Variants in SUPT3H observed in about 807,000 individuals in gnomAD.
SUPT3H encodes SPT3 homolog, SAGA and STAGA complex component.
A neutral mutation model predicts 44.3 loss-of-function variants in SUPT3H; 44 were observed. The ratio of observed to expected loss-of-function variants is 0.99; its 90% CI spans 0.78 to 1.28. The LOEUF (loss-of-function observed/expected upper bound fraction) is 1.28. Among genes scored for constraint, SUPT3H ranks in the 50% most tolerant of loss-of-function variants. The pLI is 0.00. For synonymous variants in SUPT3H, 124 were observed against 125.6 expected (o/e 0.99, Z 0.09); for missense variants, 380 against 387.1 (o/e 0.98, Z 0.15).
chr6:45,015,282 C>T (rs918355288), intron 4 of SUPT3H, among the ~76,000 whole-genome samples: 3 of 152,050 alleles, frequency 2.0e-5, no homozygotes, highest in Non-Finnish European at 2.9e-5. Context: ...TCATGGGCTA[C>T]AAACTGGTAT....
chr6:45,351,969 T>G (rs373961805), intron 2 of SUPT3H, among the ~76,000 whole-genome samples: 8 of 152,308 alleles, frequency 5.3e-5, no homozygotes, highest in African/African-American at 1.9e-4. Flanking sequence ...CTGTCCCTAA[T>G]TCTACCGCTG....
chr6:45,040,845 T>C (rs569095745), intron 3 of SUPT3H, among the ~76,000 whole-genome samples: 1 of 152,350 alleles, frequency 6.6e-6, no homozygotes, highest in African/African-American at 2.4e-5. Flanking sequence ...CTGAATATTC[T>C]GTTTCCTTCT....
chr6:45,032,698 G>A (rs1787125624), intron 3 of SUPT3H, among the ~76,000 whole-genome samples: 1 of 152,110 alleles, frequency 6.6e-6, no homozygotes, highest in Non-Finnish European at 1.5e-5. Flanking sequence ...AAATAAAAGT[G>A]AGACATCACT....
chr6:45,059,085 T>A (rs373066048), intron 3 of SUPT3H, among the ~76,000 whole-genome samples: 9 of 152,234 alleles, frequency 5.9e-5, no homozygotes, highest in Non-Finnish European at 1.0e-4. Context: ...TTCATAGTAT[T>A]TTCTACATAG....
chr6:44,985,892 T>C (rs977261332), intron 6 of SUPT3H, among the ~76,000 whole-genome samples: 2 of 152,290 alleles, frequency 1.3e-5, no homozygotes, highest in East Asian at 1.9e-4. Context: ...CACACTAATA[T>C]GTAAATAACT....
At position 45,150,720 on chromosome 6, in the gene SUPT3H, G is replaced by GTTTT. The variant is rs11319902; in HGVS notation, c.102-44718_102-44715dup. ...CTTCTACTTATAATCTTTATTCTGC[G>GTTTT]TTTTTTTTTTTTTTTTTTTTAAGAT... On this transcript the variant is annotated intron_variant, in intron 2 of 10. Transcript: ENST00000371459. Among the ~76,000 whole-genome samples the GTTTT allele has an allele frequency of 1.5e-3, 150 of 99,268 alleles. 12 individuals carry two copies. Among genetic ancestry groups the GTTTT allele is most frequent in the African/African-American group, 4.1e-3 (100 of 24,540 alleles). The allele number at this position is 99,268 out of a possible 152,430, so 65.1% of individuals were successfully genotyped here. A position where few individuals can be genotyped will look rare whatever the true frequency, so the allele number is the denominator to read the frequency against.
At chr6:44,861,174 C>T (rs1438316822) in intron 10 of SUPT3H, among the ~76,000 whole-genome samples, 1 of 152,152 alleles carries the variant, frequency 6.6e-6, no homozygotes, top group Non-Finnish European at 1.5e-5. Context: ...GCCTCAACTT[C>T]CTGGTGATCC....
intron 10 of SUPT3H, among the ~76,000 whole-genome samples, chr6:44,865,805 T>C (rs1775406173): frequency 6.6e-6 from 1 of 152,112 alleles, no homozygotes. Flanking sequence ...ACATCACATA[T>C]ATTAAGTAGA....
intron 10 of SUPT3H, among the ~76,000 whole-genome samples, chr6:44,902,979 C>T (rs1320348705): frequency 6.6e-6 from 1 of 151,878 alleles, no homozygotes; most frequent in African/African-American, 2.4e-5. Flanking sequence ...CCTTTGAAAC[C>T]AACGAGAACA....
chr6:44,902,234 G>T (rs966118524), intron 10 of SUPT3H, among the ~76,000 whole-genome samples: 7 of 152,110 alleles, frequency 4.6e-5, no homozygotes, highest in African/African-American at 1.7e-4. Flanking sequence ...CTGGCAAATT[G>T]GATAAAGAGT....
chr6:45,222,807 T>C (rs1766281958), intron 2 of SUPT3H, among the ~76,000 whole-genome samples: 1 of 152,118 alleles, frequency 6.6e-6, no homozygotes, highest in South Asian at 2.1e-4. Flanking sequence ...TGTCCTTCAA[T>C]GGGTGACTAT....
chr6:44,960,430 A>AG (rs1229923383), intron 7 of SUPT3H, among the ~76,000 whole-genome samples: 1 of 150,888 alleles, frequency 6.6e-6, no homozygotes, highest in Non-Finnish European at 1.5e-5. Flanking sequence ...AAAAAAAAAA[A>AG]AAAAAGAACA....
At chr6:45,138,449 C>T (rs1008707746) in intron 2 of SUPT3H, among the ~76,000 whole-genome samples, 2 of 152,082 alleles carry the variant, frequency 1.3e-5, no homozygotes, top group African/African-American at 4.8e-5. Flanking sequence ...GCAAACAATA[C>T]TCAAATGTCC....
rs200760951 is a variant in SUPT3H at position 45,358,119 on chromosome 6, T to C, written c.101+7082A>G. 7.4e-5 allele frequency among the ~76,000 whole-genome samples: 11 copies of C among 149,572 alleles called. No homozygotes were observed. The East Asian group carries it at 2.1e-3, about 29-fold the overall frequency. On this transcript the variant is annotated intron_variant, in intron 2 of 10. Coordinates refer to ENST00000371459, the MANE Select transcript of SUPT3H (RefSeq NM_003599.4). Reference sequence around the variant, plus strand: ...ACAGGAAAAAAGTAATCAATGACCGTGTTAAAATCAAATATAAAAACAGGT... The same window carrying C: ...ACAGGAAAAAAGTAATCAATGACCGCGTTAAAATCAAATATAAAAACAGGT...
At chr6:45,241,793 G>A (rs1584453445) in intron 2 of SUPT3H, among the ~76,000 whole-genome samples, 1 of 152,124 alleles carries the variant, frequency 6.6e-6, no homozygotes, top group South Asian at 2.1e-4. Flanking sequence ...GGGGGAAAAA[G>A]AAAGGTAACT....
At chr6:45,128,542 A>ATATATG (rs1802859885) in intron 2 of SUPT3H, among the ~76,000 whole-genome samples, 1 of 57,428 alleles carries the variant, frequency 1.7e-5, no homozygotes, top group Non-Finnish European at 3.2e-5. Context: ...AAATATATAT[A>ATATATG]TATATATATA....
Position 44,932,649 on chromosome 6 carries a change from G to T in SUPT3H, c.912+4C>A, listed in dbSNP as rs773577779. The T allele has an allele frequency of 6.6e-5, 105 of 1,591,348 alleles. No homozygotes were observed. Among genetic ancestry groups the T allele is most frequent in the Non-Finnish European group, 8.2e-5 (95 of 1,164,500 alleles). ...TAACTTTTTATAACTCTGTTATTACGTACTGTGAATGGGGAAAGTGGGCCA... is the reference window on the plus strand; with the variant it reads ...TAACTTTTTATAACTCTGTTATTACTTACTGTGAATGGGGAAAGTGGGCCA... On this transcript the variant is annotated splice_donor_region_variant and intron_variant, in intron 10 of 10. Transcript: ENST00000371459.
rs532631520 is a variant in SUPT3H, at chr6:45,090,237, A to G, written c.186+15685T>C. 2.1e-3 allele frequency among the ~76,000 whole-genome samples: 325 copies of G among 152,224 alleles called. 1 individual carries two copies. The highest frequency in any genetic ancestry group is 7.5e-3 in the African/African-American group (311 of 41,574). On this transcript the variant is annotated intron_variant, in intron 3 of 10. Transcript: ENST00000371459. ...TTATTCACACAAAAATATTATACTT[A>G]CTGAAAACAAAGAAGCAATTGGTTT...
chr6:45,130,082 G>A (rs1023281215), intron 2 of SUPT3H, among the ~76,000 whole-genome samples: 7 of 152,006 alleles, frequency 4.6e-5, no homozygotes, highest in Admixed American at 2.6e-4. Context: ...TAGGTTTCTG[G>A]ACATTCACAG....
Sources: gnomAD v4.1 joint callset for allele counts (sites outside exome capture counted in the v4.1 genomes callset) on GRCh38, gnomAD v4.1.1 for gene constraint, MANE v1.5 for transcripts, NCBI Gene and HGNC (gene_info 2026-07-23, HGNC 2026-07-21) for gene names.